The following SND1 variants were observed in gnomAD, a reference collection of about 807,000 sequenced individuals.
SND1 encodes the protein staphylococcal nuclease and tudor domain containing 1, also known as staphylococcal nuclease domain-containing protein 1.
Under a neutral mutation model 121.7 loss-of-function variants are expected in SND1, and 38 were observed. The observed-to-expected ratio is 0.31, with a 90% confidence interval of 0.24 to 0.41. The LOEUF (loss-of-function observed/expected upper bound fraction) is 0.41, where lower values mean the gene tolerates loss of function less well. Among genes scored for constraint, SND1 ranks in the 10% least tolerant of loss-of-function variants. The probability of loss-of-function intolerance (pLI) is 1.00; values close to 1 mark genes in which losing one functional copy is unlikely to be tolerated. For synonymous variants in SND1, 401 were observed against 447.4 expected (o/e 0.90, Z 1.31); for missense variants, 868 against 1,184.6 (o/e 0.73, Z 3.92).
chr7:127,762,496 T>A (rs1453420006), intron 10 of SND1, among the ~76,000 whole-genome samples: 1 of 152,234 alleles, frequency 6.6e-6, no homozygotes, highest in East Asian at 1.9e-4. Flanking sequence ...TGGCCTCATT[T>A]AAATGTAATC....
At chr7:127,771,222 C>T (rs141373346) in intron 10 of SND1, among the ~76,000 whole-genome samples, 33 of 152,238 alleles carry the variant, frequency 2.2e-4, no homozygotes, top group African/African-American at 7.7e-4. Flanking sequence ...CTGAGTTAAG[C>T]AAAGAAAATG....
chr7:127,673,022 T>G (rs913952778), intron 1 of SND1, among the ~76,000 whole-genome samples: 2 of 151,892 alleles, frequency 1.3e-5, no homozygotes, highest in Non-Finnish European at 2.9e-5. Context: ...TAATTTTAGG[T>G]ATAAGTATCT....
At chr7:127,948,966 A>C (rs904467568) in intron 15 of SND1, 2 of 152,256 alleles carry the variant, frequency 1.3e-5, no homozygotes, top group African/African-American at 4.8e-5. Flanking sequence ...AAGTTCTGTT[A>C]GAATGCTGTT....
chr7:127,716,190 G>C (rs760248281), intron 9 of SND1, among the ~76,000 whole-genome samples: 8 of 152,224 alleles, frequency 5.3e-5, no homozygotes, highest in Non-Finnish European at 1.2e-4. Flanking sequence ...TGGCTATTCA[G>C]GGTCTCTTGA....
At chr7:127,897,001 C>G (rs1345201878) in intron 13 of SND1, among the ~76,000 whole-genome samples, 1 of 152,148 alleles carries the variant, frequency 6.6e-6, no homozygotes, top group African/African-American at 2.4e-5. Flanking sequence ...ATCACTGATA[C>G]ATCAATGCAC....
At chr7:127,911,251 A>G (rs918387825) in intron 14 of SND1, among the ~76,000 whole-genome samples, 4 of 152,100 alleles carry the variant, frequency 2.6e-5, no homozygotes, top group African/African-American at 9.7e-5. Flanking sequence ...ACATGCCATC[A>G]CCTCTGTGGC....
At chr7:128,074,411 A>G in intron 16 of SND1, 91 bp from the exon 17 acceptor site, 2 of 1,359,468 alleles carry the variant, frequency 1.5e-6, no homozygotes, top group Non-Finnish European at 2.0e-6. Flanking sequence ...CTGTGAGCCC[A>G]AGGCTTCGGC....
chr7:127,924,622 G>A (rs957398569), intron 14 of SND1, among the ~76,000 whole-genome samples: 2 of 152,104 alleles, frequency 1.3e-5, no homozygotes, highest in African/African-American at 4.8e-5. Flanking sequence ...TAGGAAGCAG[G>A]TGACCTGGCT....
intron 16 of SND1, among the ~76,000 whole-genome samples, chr7:128,071,949 T>C (rs550638257): frequency 6.6e-6 from 1 of 152,260 alleles, no homozygotes; most frequent in East Asian, 1.9e-4. Flanking sequence ...AGTTAGCATA[T>C]CGATTGCAGG....
intron 2 of SND1, among the ~76,000 whole-genome samples, chr7:127,689,841 T>C (rs1399842693): frequency 6.6e-6 from 1 of 151,996 alleles, no homozygotes; most frequent in Non-Finnish European, 1.5e-5. Context: ...GTTTTCCTCC[T>C]ATTGTACCCT....
intron 10 of SND1, among the ~76,000 whole-genome samples, chr7:127,737,811 G>A (rs989182346): frequency 2.0e-5 from 3 of 152,138 alleles, no homozygotes; most frequent in Non-Finnish European, 2.9e-5. Context: ...TTCAGCAGTT[G>A]AGCATTTTGA....
chr7:127,910,012 C>T (rs1478874021), intron 14 of SND1, among the ~76,000 whole-genome samples: 1 of 152,166 alleles, frequency 6.6e-6, no homozygotes, highest in East Asian at 1.9e-4. Flanking sequence ...GTTTTCATTG[C>T]CCTCTTAAAC....
At chr7:127,857,880 G>T in intron 12 of SND1, 1 of 1,337,632 alleles carries the variant, frequency 7.5e-7, no homozygotes, top group Non-Finnish European at 1.1e-6. Flanking sequence ...TGCGTTTGGA[G>T]TTGTAGAACT....
At chr7:127,800,810 C>G (rs1439490418) in intron 10 of SND1, among the ~76,000 whole-genome samples, 1 of 152,154 alleles carries the variant, frequency 6.6e-6, no homozygotes, top group Admixed American at 6.5e-5. Flanking sequence ...CTTTCTCTCC[C>G]CACCCATTCC....
intron 11 of SND1, among the ~76,000 whole-genome samples, chr7:127,843,090 T>G (rs1480230072): frequency 9.2e-5 from 14 of 152,164 alleles, no homozygotes; most frequent in Admixed American, 9.2e-4. Context: ...TTCTTTCTTT[T>G]TAAAATGGAC....
intron 16 of SND1, among the ~76,000 whole-genome samples, chr7:128,060,255 A>G (rs981521412): frequency 4.6e-5 from 7 of 152,274 alleles, no homozygotes; most frequent in Non-Finnish European, 1.0e-4. Context: ...CCTTTGAGCC[A>G]TGATGCAGGA....
intron 14 of SND1, among the ~76,000 whole-genome samples, chr7:127,911,904 G>C (rs1184381239): frequency 1.3e-5 from 2 of 152,132 alleles, no homozygotes; most frequent in East Asian, 3.9e-4. Context: ...TCAGCCAGTT[G>C]CCCTCACCCT....
intron 9 of SND1, among the ~76,000 whole-genome samples, chr7:127,715,317 G>A (rs35121681): frequency 0.33 from 49,580 of 151,984 alleles, 9,029 homozygotes; most frequent in Admixed American, 0.42. Context: ...AGTCCTTTGC[G>A]CATTTGAAAA....
intron 12 of SND1, chr7:127,857,905 TC>T: frequency 7.2e-7 from 1 of 1,396,764 alleles, no homozygotes; most frequent in Non-Finnish European, 1.0e-6. Flanking sequence ...ACGAAGGGGG[TC>T]CAGCTTCCGG....
Sources: allele counts gnomAD v4.1 joint callset (sites outside exome capture counted in the v4.1 genomes callset), GRCh38; gene constraint gnomAD v4.1.1; transcripts MANE v1.5; gene names NCBI Gene and HGNC (gene_info 2026-07-23, HGNC 2026-07-21).